The following DOCK5 variants were observed in gnomAD, a reference collection of about 807,000 sequenced individuals.
DOCK5 encodes dedicator of cytokinesis 5.
A neutral mutation model predicts 251.8 loss-of-function variants in DOCK5; 142 were observed. The ratio of observed to expected loss-of-function variants is 0.56; its 90% confidence interval spans 0.49 to 0.65. The LOEUF is 0.65. Among genes scored for constraint, DOCK5 ranks in the 30% least tolerant of loss-of-function variants. The pLI, the probability that DOCK5 is intolerant of heterozygous loss-of-function variation, is 0.00. For missense variants in DOCK5, 2,111 were observed against 2,312.3 expected (o/e 0.91, Z 1.79); for synonymous variants, 842 against 835.5 (o/e 1.01, Z -0.13).
rs1805543116 is a variant in DOCK5 at position 25,325,517 on chromosome 8, C to T, written c.1873C>T (p.Leu625Phe). Residue 625 changes from leucine to phenylalanine, a missense_variant, in exon 18 of 52, where the codon CTC (leucine) becomes TTC (phenylalanine). Around this residue, in one of 3 missense-constraint regions of DOCK5, gnomAD observed 1,717 missense variants for 1,892.4 expected, o/e 0.91. Coordinates refer to ENST00000276440, the MANE Select transcript of DOCK5 (RefSeq NM_024940.8). ...STKDSFQIAT[L>F]ICSTKLTQNV... is the part of the protein sequence containing the mutation. ...TAAAGACAGCTTTCAGATTGCCACC[C>T]TCATCTGCTCCACAAAGCTCACCCA... The T allele has an allele frequency of 6.2e-7, 1 of 1,613,616 alleles. No individual in the cohort carries two copies. The highest frequency in any genetic ancestry group is 1.3e-5 in the African/African-American group (1 of 74,910).
chr8:25,316,998 A>G lies in DOCK5; in HGVS notation c.1319-9A>G. On this transcript the variant is annotated splice_polypyrimidine_tract_variant and intron_variant, in intron 13 of 51. Coordinates refer to ENST00000276440, the MANE Select transcript of DOCK5 (RefSeq NM_024940.8). The stretch of plus-strand genomic sequence containing the variant: ...CAGCAACACTCACAGCATGCTTATC[A>G]TGTTGCAGGAGATGTTCGGAATGAC... The G allele has an allele frequency of 6.2e-7, 1 of 1,613,674 alleles. No individual in the cohort carries two copies. The highest frequency in any genetic ancestry group is 1.3e-5 in the African/African-American group (1 of 75,032).
At chr8:25,389,278 G>A (rs1801217206) in intron 41 of DOCK5, 46 bp downstream of exon 41, 33 of 1,595,302 alleles carry the variant, frequency 2.1e-5, no homozygotes, top group Non-Finnish European at 2.8e-5. Context: ...TTATGGCTGT[G>A]CACAGCCCCA....
At chr8:25,355,922 G>T (rs553602461) in intron 27 of DOCK5, among the ~76,000 whole-genome samples, 1 of 152,094 alleles carries the variant, frequency 6.6e-6, no homozygotes, top group South Asian at 2.1e-4. Context: ...GCCTGGCATG[G>T]TGGCTCACGC....
intron 40 of DOCK5, among the ~76,000 whole-genome samples, chr8:25,387,734 C>A (rs1194942061): frequency 6.6e-6 from 1 of 152,214 alleles, no homozygotes; most frequent in East Asian, 1.9e-4. Flanking sequence ...GTGCTTTCCG[C>A]CCCTGGGCCT....
intron 18 of DOCK5, among the ~76,000 whole-genome samples, chr8:25,329,725 G>A (rs767082208): frequency 1.3e-4 from 20 of 152,074 alleles, no homozygotes; most frequent in Non-Finnish European, 2.6e-4. Flanking sequence ...GTTCATGGCG[G>A]AATTGCTTAT....
intron 34 of DOCK5, among the ~76,000 whole-genome samples, chr8:25,369,846 C>G (rs1172336572): frequency 2.0e-5 from 3 of 152,176 alleles, no homozygotes; most frequent in Admixed American, 2.0e-4. Flanking sequence ...TGGTATTTTC[C>G]TGGCCAGCCT....
chr8:25,343,709 C>CCCCA (rs1364290053), intron 25 of DOCK5, among the ~76,000 whole-genome samples: 1 of 152,228 alleles, frequency 6.6e-6, no homozygotes, highest in Non-Finnish European at 1.5e-5. Flanking sequence ...CCCTTCTCAA[C>CCCCA]CCCACGTTCA....
At chr8:25,261,811 C>T (rs566012142) in intron 2 of DOCK5, among the ~76,000 whole-genome samples, 1 of 152,212 alleles carries the variant, frequency 6.6e-6, no homozygotes, top group East Asian at 1.9e-4. Flanking sequence ...TAGATCACTG[C>T]GAGTTAGTTT....
intron 5 of DOCK5, 43 bp from the exon 6 acceptor site, chr8:25,291,981 C>A (rs1298989299): frequency 3.3e-6 from 5 of 1,499,322 alleles, no homozygotes; most frequent in Middle Eastern, 1.8e-4. Flanking sequence ...TCTGTCACAC[C>A]TTTTTCTAAG....
intron 49 of DOCK5, among the ~76,000 whole-genome samples, chr8:25,408,451 C>G (rs907545696): frequency 6.6e-6 from 1 of 152,172 alleles, no homozygotes; most frequent in Non-Finnish European, 1.5e-5. Context: ...CAAACATTGT[C>G]ATTTCTCTTC....
chr8:25,234,592 G>T (rs777267432), intron 1 of DOCK5, among the ~76,000 whole-genome samples: 1 of 152,160 alleles, frequency 6.6e-6, no homozygotes, highest in Non-Finnish European at 1.5e-5. Context: ...AATAACATTA[G>T]CATGTGTACC....
chr8:25,350,418 A>G (rs897819020), intron 26 of DOCK5, among the ~76,000 whole-genome samples: 2 of 152,164 alleles, frequency 1.3e-5, no homozygotes, highest in African/African-American at 4.8e-5. Context: ...TGAAAGAAAG[A>G]ATGTGTACAT....
rs1469127624 is a variant in DOCK5, at chr8:25,296,566, C to G, written c.524C>G (p.Pro175Arg). ...VRDDNGNILD[P>R]DETSTIALFK... ...GATGACAATGGGAACATCCTAGACC[C>G]TGACGAAACCAGCACCATTGCCCTC... Residue 175 changes from proline to arginine, a missense_variant, in exon 7 of 52, where the codon CCT becomes CGT. This residue lies in a region of DOCK5 where 335 missense variants were observed against 324.9 expected (regional missense o/e 1.03). Transcript: ENST00000276440. 2 of 1,612,332 alleles carry G rather than the reference C, an allele frequency of 1.2e-6. No homozygotes were observed.
At chr8:25,233,917 C>CT (rs1399953711) in intron 1 of DOCK5, among the ~76,000 whole-genome samples, 1 of 152,156 alleles carries the variant, frequency 6.6e-6, no homozygotes, top group Non-Finnish European at 1.5e-5. Flanking sequence ...ATGTCCTATC[C>CT]TTCTGTTTCC....
intron 1 of DOCK5, among the ~76,000 whole-genome samples, chr8:25,229,173 G>C (rs942871880): frequency 6.6e-6 from 1 of 152,054 alleles, no homozygotes; most frequent in African/African-American, 2.4e-5. Flanking sequence ...CCACACATAC[G>C]TTTCTTGACT....
chr8:25,281,978 A>G (rs1041632804), intron 5 of DOCK5, among the ~76,000 whole-genome samples: 7 of 151,008 alleles, frequency 4.6e-5, no homozygotes, highest in African/African-American at 1.7e-4. Context: ...TTATTTTGGT[A>G]TTTGTGAATA....
At chr8:25,377,479 G>C in intron 38 of DOCK5, 55 bp downstream of exon 38, 3 of 1,567,568 alleles carry the variant, frequency 1.9e-6, no homozygotes, top group Non-Finnish European at 1.7e-6. Flanking sequence ...CCGCAGTATC[G>C]CAATACAATT....
chr8:25,398,594 G>A (rs561147914), intron 45 of DOCK5, among the ~76,000 whole-genome samples: 132 of 152,224 alleles, frequency 8.7e-4, no homozygotes, highest in Non-Finnish European at 1.6e-3. Flanking sequence ...CATGTCTCTC[G>A]TCCTGGCTTC....
chr8:25,379,759 G>T (rs376033431), intron 38 of DOCK5, among the ~76,000 whole-genome samples: 25 of 151,976 alleles, frequency 1.6e-4, no homozygotes, highest in African/African-American at 5.6e-4. Flanking sequence ...GCTCCAGCCG[G>T]TCCCTCCATT....
Sources: allele counts gnomAD v4.1 joint callset (sites outside exome capture counted in the v4.1 genomes callset), GRCh38; gene constraint gnomAD v4.1.1; regional missense constraint gnomAD v4.1.1; transcripts MANE v1.5; gene names NCBI Gene and HGNC (gene_info 2026-07-23, HGNC 2026-07-21).